SAMD11: variants seen among roughly 807,000 people sequenced by gnomAD.
The protein encoded by SAMD11 is sterile alpha motif domain-containing protein 11.
Under a neutral mutation model 64.4 loss-of-function variants are expected in SAMD11, and 77 were observed. The observed-to-expected ratio is 1.20, with a 90% CI of 0.99 to 1.44. SAMD11 has a LOEUF of 1.44. Among genes scored for constraint, SAMD11 ranks in the 40% most tolerant of loss-of-function variants. SAMD11 has a pLI of 0.00. For synonymous variants in SAMD11, 658 were observed against 421.9 expected (o/e 1.56, Z -6.86); for missense variants, 1,402 against 943.3 (o/e 1.49, Z -6.37).
chr1:926,265 C>T (rs183573678), intron 2 of SAMD11, among the ~76,000 whole-genome samples: 1 of 152,342 alleles, frequency 6.6e-6, no homozygotes, highest in East Asian at 1.9e-4. Flanking sequence ...TGTCTTAGAG[C>T]CTCCCCTTGG....
rs771850072 is a variant in SAMD11, at chr1:944,057, G to T, written c.2439G>T (p.Gly813=). Residue 813 remains glycine, a synonymous_variant, in exon 14 of 14, where the codon GGG becomes GGT. Transcript: ENST00000616016. Reference sequence around the variant, plus strand: ...CGACGGCCACGTCCCCCTATGGAGGGGGCCACGCCCTTGCCGGTCAAACTT... The same window carrying T: ...CGACGGCCACGTCCCCCTATGGAGGTGGCCACGCCCTTGCCGGTCAAACTT... The part of the protein sequence containing the change: ...SPTTATSPYG[G]GHALAGQTSP... The T allele has an allele frequency of 4.3e-6, 7 of 1,612,590 alleles. No individual in the cohort carries two copies. Among genetic ancestry groups the T allele is most frequent in the Non-Finnish European group, 5.9e-6 (7 of 1,179,952 alleles).
chr1:936,368 G>A (rs56170324), intron 5 of SAMD11, among the ~76,000 whole-genome samples: 1 of 148,284 alleles, frequency 6.7e-6, no homozygotes, highest in Non-Finnish European at 1.5e-5. Flanking sequence ...GCCTCCTAGG[G>A]CTCCTGGACG....
chr1:933,840 T>G (rs1418548141), intron 4 of SAMD11, among the ~76,000 whole-genome samples: 2 of 151,344 alleles, frequency 1.3e-5, no homozygotes, highest in Non-Finnish European at 2.9e-5. Flanking sequence ...GAGTCTTTGG[T>G]GCTGAAACGG....
At chr1:941,361 G>A (rs2100352690) in intron 8 of SAMD11, 55 bp downstream of exon 8, 1 of 1,443,342 alleles carries the variant, frequency 6.9e-7, no homozygotes, top group East Asian at 2.5e-5. Context: ...CCGCACCCCC[G>A]CGCTCTCAGC....
chr1:935,667 G>A lies in SAMD11; in HGVS notation c.843-105G>A, dbSNP rs878859612. ...GGGCACAGCAACGTGGCACTCAGAG[G>A]TCATCCCCACGCTCACACACAGAGC... is the stretch of plus-strand genomic sequence containing the variant. On this transcript the variant is annotated intron_variant, in intron 4 of 13. Coordinates refer to ENST00000616016, the MANE Select transcript of SAMD11 (RefSeq NM_001385641.1). 6.0e-6 allele frequency: 9 copies of A among 1,491,240 alleles called. No homozygotes were observed. The East Asian group carries it at 1.4e-4, about 23-fold the overall frequency. The allele number at this position is 1,491,240 out of a possible 1,614,324, so 92.4% of individuals were successfully genotyped here.
rs550578649 is a variant in SAMD11 at position 939,532 on chromosome 1, T to C, written c.1195+120T>C. ...ACATGTACTCGGCCATTCCTGTTGC[T>C]GAGGCCCTGCTGACACCAAGGCCAG... is the stretch of plus-strand genomic sequence containing the variant. On this transcript the variant is annotated intron_variant, in intron 7 of 13. Coordinates refer to ENST00000616016, the MANE Select transcript of SAMD11 (RefSeq NM_001385641.1). The C allele has an allele frequency of 1.4e-3, 2,102 of 1,537,758 alleles. 6 individuals carry two copies. Among genetic ancestry groups the C allele is most frequent in the Middle Eastern group, 0.013 (58 of 4,448 alleles).
intron 5 of SAMD11, among the ~76,000 whole-genome samples, chr1:937,558 G>A (rs892927168): frequency 6.6e-6 from 1 of 152,208 alleles, no homozygotes; most frequent in Non-Finnish European, 1.5e-5. Flanking sequence ...CAGGTGGCAG[G>A]TGTGGAAAAG....
chr1:943,291 C>A lies in SAMD11; in HGVS notation c.2092C>A (p.Pro698Thr). The A allele has an allele frequency of 1.2e-6, 2 of 1,612,720 alleles. No homozygotes were observed. The highest frequency in any genetic ancestry group is 1.7e-6 in the Non-Finnish European group (2 of 1,179,800). Residue 698 changes from proline (P) to threonine (T), a missense_variant, in exon 12 of 14, where the codon CCA (proline) becomes ACA (threonine). By Grantham distance (38) the Pro-to-Thr change is conservative. Coordinates refer to ENST00000616016, the MANE Select transcript of SAMD11 (RefSeq NM_001385641.1). ...GGLSMDGEEA[P>T]APEDVTKWTV... ...ACTCTCCATGGATGGGGAGGAGGCC[C>A]CAGCCCCTGAGGACGTCACCAAGTG... is the stretch of plus-strand genomic sequence containing the variant.
chr1:924,095 T>TGGGACTGCCCCGGGCGC lies in SAMD11; in HGVS notation c.-333_-317dup, dbSNP rs1553158161. On this transcript the variant is annotated 5_prime_UTR_variant, in exon 1 of 14. Coordinates refer to ENST00000616016, the MANE Select transcript of SAMD11 (RefSeq NM_001385641.1). The stretch of plus-strand genomic sequence containing the variant: ...GGCGGGTGGGTCGGCGAGCCGGGCG[T>TGGGACTGCCCCGGGCGC]GGGACTGCCCCGGGCGCGGGCGCTG... The TGGGACTGCCCCGGGCGC allele has an allele frequency of 6.7e-6, 1 of 148,608 alleles. No homozygotes were observed. The highest frequency in any genetic ancestry group is 2.5e-5 in the African/African-American group (1 of 40,530). 9.2% of individuals were successfully genotyped at this position (148,608 alleles called of 1,614,324 possible). A position where few individuals can be genotyped will look rare whatever the true frequency, so the allele number is the denominator to read the frequency against.
intron 4 of SAMD11, among the ~76,000 whole-genome samples, chr1:932,656 C>G (rs747061251): frequency 2.6e-5 from 4 of 152,246 alleles, no homozygotes; most frequent in East Asian, 1.9e-4. Flanking sequence ...TCTGCAGGCT[C>G]CCACAGAACA....
At chr1:925,467 CAG>C (rs1317843846) in intron 1 of SAMD11, among the ~76,000 whole-genome samples, 5 of 151,792 alleles carry the variant, frequency 3.3e-5, no homozygotes, top group African/African-American at 7.2e-5. Flanking sequence ...AGCCGGGACA[CAG>C]GGGGTGCGGT....
At position 939,070 on chromosome 1, in the gene SAMD11, C is replaced by T. The variant is rs1301874403; in HGVS notation, c.998C>T (p.Ser333Phe). ...CTGTTGGGCAAGAGGCTGGGCCGCTCCCCCCGTATCAGCAGCGACTGCTTT... is the reference window on the plus strand; with the variant it reads ...CTGTTGGGCAAGAGGCTGGGCCGCTTCCCCCGTATCAGCAGCGACTGCTTT... Reference protein sequence around the residue: ...GDLLGKRLGRSPRISSDCFSE... With the variant: ...GDLLGKRLGRFPRISSDCFSE... Residue 333 changes from serine to phenylalanine, a missense_variant, in exon 6 of 14, where the codon TCC becomes TTC. By Grantham distance (155) the Ser-to-Phe change is radical (BLOSUM62 -2). Transcript: ENST00000616016. 6 of 1,605,128 alleles carry T rather than the reference C, an allele frequency of 3.7e-6. No homozygotes were observed. Among genetic ancestry groups the T allele is most frequent in the East Asian group, 2.2e-5 (1 of 44,612 alleles).
intron 10 of SAMD11, 24 bp downstream of exon 10, chr1:942,512 G>C: frequency 6.9e-7 from 1 of 1,445,696 alleles, no homozygotes; most frequent in Non-Finnish European, 9.0e-7. Context: ...GGCGGGCGGG[G>C]CCGCGCGGCC....
rs200996316 is a variant in SAMD11 at position 939,436 on chromosome 1, C to CT, written c.1195+24_1195+25insT. 3.2e-4 allele frequency: 455 copies of CT among 1,440,276 alleles called. 8 individuals are homozygous for CT. Among genetic ancestry groups the CT allele is most frequent in the South Asian group, 1.1e-3 (88 of 81,964 alleles). 89.2% of individuals were successfully genotyped at this position (1,440,276 alleles called of 1,614,324 possible). On this transcript the variant is annotated intron_variant, in intron 7 of 13. Coordinates refer to ENST00000616016, the MANE Select transcript of SAMD11 (RefSeq NM_001385641.1). ...CGGTGAGGACCCACCCTGGCATGAT[C>CT]CCCCTCATCACCTCCCCAGCCACGG...
chr1:929,098 C>T (rs1412285482), intron 2 of SAMD11, among the ~76,000 whole-genome samples: 2 of 152,246 alleles, frequency 1.3e-5, no homozygotes, highest in Non-Finnish European at 1.5e-5. Flanking sequence ...TAATCAATAA[C>T]TTTCCTTTAT....
In SAMD11 at chr1:942,592, G is replaced by T; in HGVS notation, c.1587G>T (p.Lys529Asn). 7.0e-7 allele frequency: 1 copy of T among 1,420,752 alleles called. No individual in the cohort carries two copies. The highest frequency in any genetic ancestry group is 1.4e-5 in the South Asian group (1 of 68,990). The allele number at this position is 1,420,752 out of a possible 1,614,324, so 88.0% of individuals were successfully genotyped here. A position where few individuals can be genotyped will look rare whatever the true frequency, so the allele number is the denominator to read the frequency against. The change falls in exon 11 of 14, where the codon AAG (lysine) becomes AAT (asparagine). Residue 529 changes from lysine (K) to asparagine (N), a missense_variant. Transcript: ENST00000616016. ...LELPADLLRQ[K>N]ELESARPQLL... ...TGCCCGCCGACCTCCTGCGGCAGAA[G>T]GAGCTGGAGAGCGCGCGCCCACAGC...
intron 2 of SAMD11, among the ~76,000 whole-genome samples, chr1:929,906 C>T (rs1437241753): frequency 6.6e-6 from 1 of 152,198 alleles, no homozygotes; most frequent in Non-Finnish European, 1.5e-5. Flanking sequence ...ACTGCGGCCC[C>T]GTCTCTCGGC....
At chr1:937,130 C>T (rs537467607) in intron 5 of SAMD11, among the ~76,000 whole-genome samples, 1 of 152,260 alleles carries the variant, frequency 6.6e-6, no homozygotes, top group African/African-American at 2.4e-5. Context: ...AGGGTCTGGC[C>T]CGCTCCCCGG....
chr1:932,576 G>A (rs1312356404), intron 4 of SAMD11, among the ~76,000 whole-genome samples: 1 of 151,548 alleles, frequency 6.6e-6, no homozygotes, highest in Non-Finnish European at 1.5e-5. Context: ...GCGGGTGGTG[G>A]TCCCTGAACC....
Sources: allele counts gnomAD v4.1 joint callset (sites outside exome capture counted in the v4.1 genomes callset), GRCh38; gene constraint gnomAD v4.1.1; transcripts MANE v1.5; gene names NCBI Gene and HGNC (gene_info 2026-07-23, HGNC 2026-07-21).